Variants in C10orf71 observed in about 807,000 individuals in gnomAD.
C10orf71 encodes the protein chromosome 10 open reading frame 71, also known as cardiac-enriched FHL2-interacting protein.
For missense variants in C10orf71, 1,869 were observed against 1,804.5 expected (o/e 1.04, Z -0.65); for synonymous variants, 758 against 726.3 (o/e 1.04, Z -0.70).
chr10:49,307,391 G>A (rs2132405680), intron 1 of C10orf71, among the ~76,000 whole-genome samples: 1 of 152,348 alleles, frequency 6.6e-6, no homozygotes, highest in South Asian at 2.1e-4. Context: ...CTAGTGGAAG[G>A]GACTGTCCAG....
chr10:49,325,302 C>A lies in C10orf71; in HGVS notation c.2757C>A (p.Pro919=). The A allele has an allele frequency of 6.4e-7, 1 of 1,551,756 alleles. No homozygotes were observed. The highest frequency in any genetic ancestry group is 8.7e-7 in the Non-Finnish European group (1 of 1,147,006). The change falls in exon 3 of 3, where the codon CCC becomes CCA. Residue 919 remains proline, a synonymous_variant. Coordinates refer to ENST00000374144, the MANE Select transcript of C10orf71 (RefSeq NM_001135196.2). ...ENQDILGTST[P]TNTRGTRVKC... ...AGGACATTCTTGGTACATCGACACC[C>A]ACTAACACACGGGGCACACGTGTGA... is the stretch of plus-strand genomic sequence containing the variant.
At chr10:49,311,186 C>T (rs1191837061) in intron 1 of C10orf71, among the ~76,000 whole-genome samples, 9 of 152,090 alleles carry the variant, frequency 5.9e-5, no homozygotes, top group Non-Finnish European at 1.2e-4. Context: ...GGACCTCCAG[C>T]GTCACCCAGT....
At chr10:49,307,757 G>C (rs1327261248) in intron 1 of C10orf71, among the ~76,000 whole-genome samples, 2 of 152,176 alleles carry the variant, frequency 1.3e-5, no homozygotes, top group Non-Finnish European at 2.9e-5. Flanking sequence ...GCCTGCCCTG[G>C]TCATCAGGGA....
At chr10:49,309,268 G>C (rs182891389) in intron 1 of C10orf71, among the ~76,000 whole-genome samples, 1 of 152,322 alleles carries the variant, frequency 6.6e-6, no homozygotes, top group Admixed American at 6.5e-5. Context: ...TGGGGCCTAT[G>C]GGAAGTAATT....
rs1849165417 is a variant in C10orf71 at position 49,324,195 on chromosome 10, A to G, written c.1650A>G (p.Glu550=). The G allele has an allele frequency of 1.2e-6, 2 of 1,613,930 alleles. No homozygotes were observed. Among genetic ancestry groups the G allele is most frequent in the South Asian group, 2.2e-5 (2 of 91,072 alleles). ...TCATCCTCCCCAATGGGCTTGAGGAAAGCCCTCCAAATGAGCTTTCTAAGG... is the reference window on the plus strand; with the variant it reads ...TCATCCTCCCCAATGGGCTTGAGGAGAGCCCTCCAAATGAGCTTTCTAAGG... ...NGVILPNGLE[E]SPPNELSKER... is the part of the protein sequence containing the mutation. Residue 550 remains glutamate, a synonymous_variant, in exon 3 of 3, where the codon GAA becomes GAG. Coordinates refer to ENST00000374144, the MANE Select transcript of C10orf71 (RefSeq NM_001135196.2).
At position 49,325,348 on chromosome 10, in the gene C10orf71, A is replaced by G. The variant is rs1461034578; in HGVS notation, c.2803A>G (p.Met935Val). The change falls in exon 3 of 3, where the codon ATG becomes GTG. Residue 935 changes from methionine (M) to valine (V), a missense_variant. Met to Val is a conservative substitution (Grantham distance 21). Coordinates refer to ENST00000374144, the MANE Select transcript of C10orf71 (RefSeq NM_001135196.2). ...TGTGAAGTGCATGGCCAACGAGGTC[A>G]TGGAGGACCCTGGGCAGGGGTCGAG... ...TRVKCMANEV[M>V]EDPGQGSSMA... 2.6e-6 allele frequency: 4 copies of G among 1,551,614 alleles called. No individual in the cohort carries two copies. The highest frequency in any genetic ancestry group is 3.5e-6 in the Non-Finnish European group (4 of 1,147,006).
intron 1 of C10orf71, among the ~76,000 whole-genome samples, chr10:49,303,672 A>G (rs1848765428): frequency 6.6e-6 from 1 of 152,232 alleles, no homozygotes; most frequent in South Asian, 2.1e-4. Context: ...CAAGTTTTTC[A>G]CATCAACACA....
Position 49,326,996 on chromosome 10 carries a change from A to T in C10orf71, c.*143A>T, listed in dbSNP as rs761300448. 1.9e-6 allele frequency: 3 copies of T among 1,586,682 alleles called. No individual in the cohort carries two copies. The South Asian group carries it at 3.4e-5, about 18-fold the overall frequency. Reference sequence around the variant, plus strand: ...ACACATACTTAGCCTTTTTAGATCCATAAAGTCCAGAAGGCAGTAGGGATC... The same window carrying T: ...ACACATACTTAGCCTTTTTAGATCCTTAAAGTCCAGAAGGCAGTAGGGATC... On this transcript the variant is annotated 3_prime_UTR_variant, in exon 3 of 3. Transcript: ENST00000374144.
In C10orf71 at chr10:49,326,374, C is replaced by CGCA; in HGVS notation, c.3829_3830insGCA (p.Leu1277delinsArgIle). On this transcript the variant is annotated protein_altering_variant, in exon 3 of 3. Coordinates refer to ENST00000374144, the MANE Select transcript of C10orf71 (RefSeq NM_001135196.2). ...CGCGTACCCCGCCACCCAGAAGGTC[C>CGCA]TCCAGGATCCGCAGTCCGGGGAGTA... 1 of 1,550,568 alleles carries CGCA rather than the reference C, an allele frequency of 6.4e-7. No homozygotes were observed. Among genetic ancestry groups the CGCA allele is most frequent in the Non-Finnish European group, 8.7e-7 (1 of 1,146,910 alleles).
intron 1 of C10orf71, among the ~76,000 whole-genome samples, chr10:49,311,187 G>T (rs566433173): frequency 6.6e-6 from 1 of 152,052 alleles, no homozygotes; most frequent in Non-Finnish European, 1.5e-5. Context: ...GACCTCCAGC[G>T]TCACCCAGTG....
intron 2 of C10orf71, among the ~76,000 whole-genome samples, chr10:49,318,534 C>A (rs529012623): frequency 1.3e-5 from 2 of 152,342 alleles, no homozygotes; most frequent in South Asian, 4.1e-4. Context: ...CTCATTCAGT[C>A]CACTAGAACT....
rs1849192037 is a variant in C10orf71 at position 49,324,989 on chromosome 10, C to T, written c.2444C>T (p.Ala815Val). ...ESVSGGRTRK[A>V]SAEEANFRGS... ...GTGTCTGGAGGAAGAACCAGGAAGGCATCAGCAGAGGAAGCTAATTTCAGA... is the reference window on the plus strand; with the variant it reads ...GTGTCTGGAGGAAGAACCAGGAAGGTATCAGCAGAGGAAGCTAATTTCAGA... Residue 815 changes from alanine (A) to valine (V), a missense_variant, in exon 3 of 3, where the codon GCA (alanine) becomes GTA (valine). Coordinates refer to ENST00000374144, the MANE Select transcript of C10orf71 (RefSeq NM_001135196.2). The T allele has an allele frequency of 3.2e-6, 5 of 1,551,146 alleles. No homozygotes were observed. The African/African-American group carries it at 4.1e-5, about 13-fold the overall frequency.
intron 2 of C10orf71, among the ~76,000 whole-genome samples, chr10:49,318,775 A>G (rs1307403020): frequency 6.6e-6 from 1 of 152,208 alleles, no homozygotes; most frequent in Non-Finnish European, 1.5e-5. Context: ...GTGAGGACAC[A>G]TGATCCCCAC....
At chr10:49,313,497 G>A (rs1848950019) in intron 1 of C10orf71, among the ~76,000 whole-genome samples, 1 of 152,160 alleles carries the variant, frequency 6.6e-6, no homozygotes, top group African/African-American at 2.4e-5. Context: ...TAAGCAAAAT[G>A]TTGATATGAA....
At chr10:49,306,175 G>A (rs754318711) in intron 1 of C10orf71, among the ~76,000 whole-genome samples, 21 of 152,198 alleles carry the variant, frequency 1.4e-4, no homozygotes, top group Non-Finnish European at 2.2e-4. Context: ...TAGTCCAGGC[G>A]TCCTCCCTGC....
chr10:49,326,403 T>C lies in C10orf71; in HGVS notation c.3858T>C (p.Phe1286=), dbSNP rs1204789696. 3 of 1,550,430 alleles carry C rather than the reference T, an allele frequency of 1.9e-6. No individual in the cohort carries two copies. The highest frequency in any genetic ancestry group is 2.0e-5 in the Admixed American group (1 of 50,966). The change falls in exon 3 of 3, where the codon TTT becomes TTC. Residue 1286 remains phenylalanine (F), a synonymous_variant. Transcript: ENST00000374144. ...VLQDPQSGEY[F]VFDLPLQVKI... is the part of the protein sequence containing the mutation. ...AGGATCCGCAGTCCGGGGAGTACTT[T>C]GTCTTCGACTTGCCACTCCAGGTGA...
chr10:49,324,873 G>A lies in C10orf71; in HGVS notation c.2328G>A (p.Lys776=), dbSNP rs777952197. 7.1e-6 allele frequency: 11 copies of A among 1,551,748 alleles called. No individual in the cohort carries two copies. The highest frequency in any genetic ancestry group is 8.7e-6 in the Non-Finnish European group (10 of 1,147,020). ...QKDEKENVMR[K]DELQYCALSN... is the part of the protein sequence containing the mutation. ...ATGAGAAGGAGAATGTGATGCGGAA[G>A]GATGAGCTGCAGTACTGTGCCTTAA... Residue 776 remains lysine, a synonymous_variant, in exon 3 of 3, where the codon AAG becomes AAA. Transcript: ENST00000374144.
chr10:49,316,719 A>G (rs1849005290), intron 2 of C10orf71, among the ~76,000 whole-genome samples: 1 of 152,190 alleles, frequency 6.6e-6, no homozygotes, highest in African/African-American at 2.4e-5. Flanking sequence ...CTCCACCACC[A>G]GCAAGGAAGC....
chr10:49,301,060 T>C (rs1343764995), intron 1 of C10orf71, among the ~76,000 whole-genome samples: 1 of 152,126 alleles, frequency 6.6e-6, no homozygotes, highest in Non-Finnish European at 1.5e-5. Flanking sequence ...AGGGGAGGCC[T>C]CATGTCTTGA....
Sources: allele counts gnomAD v4.1 joint callset (sites outside exome capture counted in the v4.1 genomes callset), GRCh38; gene constraint gnomAD v4.1.1; transcripts MANE v1.5; gene names NCBI Gene and HGNC (gene_info 2026-07-23, HGNC 2026-07-21).